CA10: variants seen among roughly 807,000 people sequenced by gnomAD.
CA10 encodes carbonic anhydrase-related protein 10.
A neutral mutation model predicts 44.2 loss-of-function variants in CA10; 14 were observed. That is an observed-to-expected ratio of 0.32 (90% CI 0.21 to 0.50). CA10 has a LOEUF of 0.50. Among genes scored for constraint, CA10 ranks in the 20% least tolerant of loss-of-function variants. The pLI is 0.99. For missense variants in CA10, 350 were observed against 409.7 expected (o/e 0.85, Z 1.26); for synonymous variants, 159 against 141.6 (o/e 1.12, Z -0.87).
intron 1 of CA10, among the ~76,000 whole-genome samples, chr17:52,126,309 A>G (rs189808305): frequency 5.5e-4 from 84 of 152,342 alleles, no homozygotes; most frequent in African/African-American, 1.9e-3. Context: ...AAAACAGATG[A>G]AGTATATGCC....
At position 52,072,388 on chromosome 17, in the gene CA10, G is replaced by A. The variant is rs1382448786; in HGVS notation, c.67C>T (p.Gln23Ter). The change falls in exon 2 of 9, where the codon CAG (glutamine) becomes TAG (stop). Residue 23 changes from glutamine (Q) to a stop codon, truncating the protein, a stop_gained. Transcript: ENST00000451037. LOFTEE classifies it high-confidence loss of function. ...ANFIVCISAQ[Q>*]NSPKIHEGWW... Reference sequence around the variant, plus strand: ...CCTTCATGGATTTTTGGTGAATTCTGTTGAGCTAAAGGAAAAGCAAAGAAG... The same window carrying A: ...CCTTCATGGATTTTTGGTGAATTCTATTGAGCTAAAGGAAAAGCAAAGAAG... 2 of 1,612,260 alleles carry A rather than the reference G, an allele frequency of 1.2e-6. No homozygotes were observed. The highest frequency in any genetic ancestry group is 2.7e-5 in the African/African-American group (2 of 74,844).
At chr17:51,770,122 G>GT (rs11358565) in intron 3 of CA10, among the ~76,000 whole-genome samples, 163 of 146,850 alleles carry the variant, frequency 1.1e-3, no homozygotes, top group African/African-American at 2.1e-3. Flanking sequence ...AGCCTCTGTA[G>GT]TTTTTTTTTT....
chr17:51,997,708 G>A (rs1985285965), intron 2 of CA10, among the ~76,000 whole-genome samples: 1 of 152,034 alleles, frequency 6.6e-6, no homozygotes, highest in Admixed American at 6.6e-5. Context: ...GTGTGTATGT[G>A]AGGTGAAAAG....
intron 3 of CA10, among the ~76,000 whole-genome samples, chr17:51,777,864 T>G (rs1226853902): frequency 6.6e-6 from 1 of 152,154 alleles, no homozygotes; most frequent in East Asian, 1.9e-4. Flanking sequence ...CCTGGGAGGT[T>G]GAGGCTGTAG....
intron 1 of CA10, among the ~76,000 whole-genome samples, chr17:52,083,095 A>G (rs946035212): frequency 3.3e-5 from 5 of 152,236 alleles, no homozygotes; most frequent in Non-Finnish European, 5.9e-5. Context: ...GCATACTAAT[A>G]ACTCCATTTT....
chr17:51,861,720 G>A (rs1335930087), intron 3 of CA10, among the ~76,000 whole-genome samples: 2 of 152,096 alleles, frequency 1.3e-5, no homozygotes, highest in African/African-American at 2.4e-5. Flanking sequence ...ATCTGGCTTT[G>A]CTTTGTTTCC....
At chr17:51,635,599 T>G (rs1912790784) in intron 7 of CA10, among the ~76,000 whole-genome samples, 1 of 152,168 alleles carries the variant, frequency 6.6e-6, no homozygotes, top group Admixed American at 6.5e-5. Context: ...AGCAAACCAC[T>G]AGAAGCTAGG....
intron 3 of CA10, among the ~76,000 whole-genome samples, chr17:51,867,592 G>A (rs1979607798): frequency 6.6e-6 from 1 of 152,206 alleles, no homozygotes; most frequent in Non-Finnish European, 1.5e-5. Flanking sequence ...TTGTCACACA[G>A]CCAGTGCTAA....
chr17:51,636,774 T>TG (rs61300414), intron 6 of CA10, among the ~76,000 whole-genome samples: 32,579 of 123,132 alleles, frequency 0.26, 3,671 homozygotes, highest in South Asian at 0.45. Context: ...AACTGATTAT[T>TG]TTGTGTGTGT....
At chr17:51,936,377 T>A (rs1982865356) in intron 2 of CA10, among the ~76,000 whole-genome samples, 1 of 152,074 alleles carries the variant, frequency 6.6e-6, no homozygotes, top group South Asian at 2.1e-4. Context: ...GCTTAAAGCA[T>A]GTATGGGAGA....
chr17:51,639,545 C>T (rs1912990730), intron 6 of CA10, among the ~76,000 whole-genome samples: 1 of 152,156 alleles, frequency 6.6e-6, no homozygotes, highest in Non-Finnish European at 1.5e-5. Context: ...ACCCCAGACT[C>T]CATCCACTGA....
chr17:52,141,781 T>G (rs2143385459), intron 1 of CA10, among the ~76,000 whole-genome samples: 1 of 152,270 alleles, frequency 6.6e-6, no homozygotes, highest in South Asian at 2.1e-4. Context: ...GAAAAAAACC[T>G]AAATCAGCAG....
At chr17:51,699,437 T>G (rs1915515134) in intron 4 of CA10, among the ~76,000 whole-genome samples, 1 of 151,922 alleles carries the variant, frequency 6.6e-6, no homozygotes. Context: ...TGAACTAACC[T>G]CCTCCCCTTC....
chr17:52,003,516 G>C (rs1385385238), intron 2 of CA10, among the ~76,000 whole-genome samples: 1 of 151,970 alleles, frequency 6.6e-6, no homozygotes, highest in African/African-American at 2.4e-5. Context: ...GTTAGTATCT[G>C]TTAAAAGAAT....
At chr17:52,001,391 A>G (rs1017669101) in intron 2 of CA10, among the ~76,000 whole-genome samples, 1 of 152,152 alleles carries the variant, frequency 6.6e-6, no homozygotes, top group East Asian at 1.9e-4. Flanking sequence ...TAGTCTAAAA[A>G]TGCAGAGCTC....
At chr17:52,074,858 A>G (rs1450316731) in intron 1 of CA10, among the ~76,000 whole-genome samples, 1 of 152,076 alleles carries the variant, frequency 6.6e-6, no homozygotes, top group East Asian at 1.9e-4. Context: ...CTAAAAATGA[A>G]TTTACATTTT....
chr17:52,030,021 G>C (rs373248360), intron 2 of CA10, among the ~76,000 whole-genome samples: 2 of 152,304 alleles, frequency 1.3e-5, no homozygotes, highest in East Asian at 3.9e-4. Context: ...CTGCTTTGCT[G>C]CAGAGTGCAG....
At chr17:51,883,900 T>C (rs1980483824) in intron 3 of CA10, among the ~76,000 whole-genome samples, 1 of 152,202 alleles carries the variant, frequency 6.6e-6, no homozygotes, top group South Asian at 2.1e-4. Context: ...TTGACAAATA[T>C]GTCAAACTTG....
At chr17:51,767,023 C>A (rs1322556306) in intron 3 of CA10, among the ~76,000 whole-genome samples, 9 of 152,174 alleles carry the variant, frequency 5.9e-5, no homozygotes, top group South Asian at 2.1e-4. Flanking sequence ...TTTAAAAAAT[C>A]TCTAACTGTT....
Sources: allele counts gnomAD v4.1 joint callset (sites outside exome capture counted in the v4.1 genomes callset), GRCh38; gene constraint gnomAD v4.1.1; transcripts MANE v1.5; gene names NCBI Gene and HGNC (gene_info 2026-07-23, HGNC 2026-07-21).